The following CHRM5 variants were observed in gnomAD, a reference collection of about 807,000 sequenced individuals.
CHRM5 encodes cholinergic receptor muscarinic 5, also known as muscarinic acetylcholine receptor M5.
In CHRM5, 18 loss-of-function variants were observed where a neutral mutation model predicts 39.0. The ratio of observed to expected loss-of-function variants is 0.46; its 90% confidence interval spans 0.32 to 0.68. The LOEUF is 0.68. Ranked by LOEUF, CHRM5 falls within the 30% of genes least tolerant of loss-of-function variation. CHRM5 has a pLI of 0.04. For synonymous variants in CHRM5, 241 were observed against 246.3 expected (o/e 0.98, Z 0.20); for missense variants, 515 against 651.1 (o/e 0.79, Z 2.28).
chr15:34,055,197 A>G (rs921308675), intron 2 of CHRM5, among the ~76,000 whole-genome samples: 10 of 151,692 alleles, frequency 6.6e-5, no homozygotes, highest in African/African-American at 2.4e-4. Flanking sequence ...CGTCTCAAAA[A>G]AAAAAAAGTA....
At chr15:34,031,244 A>G (rs60880416) in intron 1 of CHRM5, among the ~76,000 whole-genome samples, 17,150 of 132,228 alleles carry the variant, frequency 0.13, 1,186 homozygotes, top group East Asian at 0.35. Flanking sequence ...GCGCGATCTC[A>G]GCTCACTGCA....
At chr15:34,010,289 C>T (rs140846776) in intron 1 of CHRM5, among the ~76,000 whole-genome samples, 2,166 of 152,120 alleles carry the variant, frequency 0.014, 36 homozygotes, top group Non-Finnish European at 0.019. Context: ...ATTTGGACAA[C>T]CTTATTCATT....
rs369325650 is a variant in CHRM5 at position 34,060,361 on chromosome 15, A to G, written c.-75-2282A>G. Among the ~76,000 whole-genome samples, 5 of 152,308 alleles carry G rather than the reference A, an allele frequency of 3.3e-5. No individual in the cohort carries two copies. In the East Asian group the frequency reaches 7.7e-4, roughly 24 times the overall value. On this transcript the variant is annotated intron_variant, in intron 2 of 2. Coordinates refer to ENST00000383263, the MANE Select transcript of CHRM5 (RefSeq NM_012125.4). ...GGGAGAATCTGGTTTCCGGTGCAAG[A>G]CAATATCATCAACTCGATTCCATAT...
chr15:34,001,860 A>C (rs1482628769), intron 1 of CHRM5, among the ~76,000 whole-genome samples: 5 of 152,226 alleles, frequency 3.3e-5, no homozygotes, highest in African/African-American at 7.2e-5. Context: ...ATAAAGAAGA[A>C]AGGTAGAACT....
intron 1 of CHRM5, among the ~76,000 whole-genome samples, chr15:33,986,879 G>C (rs1297943850): frequency 6.6e-6 from 1 of 152,100 alleles, no homozygotes; most frequent in East Asian, 1.9e-4. Flanking sequence ...GGATGGTCTC[G>C]ATCTCCTGAC....
At position 33,969,924 on chromosome 15, in the gene CHRM5, T is replaced by C. The variant is rs557039518; in HGVS notation, c.-408+774T>C. ...AAGAAATTCCCTAGAAATCACTGCA[T>C]AATGAGACTTCTAGAGTGACAATCT... On this transcript the variant is annotated intron_variant, in intron 1 of 2. Transcript: ENST00000383263. Among the ~76,000 whole-genome samples the C allele has an allele frequency of 1.4e-4, 22 of 152,138 alleles. No homozygotes were observed. The Middle Eastern group carries it at 0.01, about 71-fold the overall frequency.
At chr15:34,038,722 T>C in intron 1 of CHRM5, 1 of 1,125,186 alleles carries the variant, frequency 8.9e-7, no homozygotes, top group African/African-American at 1.7e-5. Flanking sequence ...ACTGGCGGCC[T>C]CGGCCCCACT....
chr15:33,999,166 G>A (rs988474004), intron 1 of CHRM5, among the ~76,000 whole-genome samples: 2 of 152,316 alleles, frequency 1.3e-5, no homozygotes, highest in Non-Finnish European at 2.9e-5. Flanking sequence ...TGGAAGCCTT[G>A]GCAGAGGGAG....
chr15:33,973,947 G>T (rs772656189), intron 1 of CHRM5, among the ~76,000 whole-genome samples: 1 of 152,148 alleles, frequency 6.6e-6, no homozygotes, highest in Non-Finnish European at 1.5e-5. Flanking sequence ...CTGATAATAG[G>T]CAAGTAGGTA....
intron 1 of CHRM5, among the ~76,000 whole-genome samples, chr15:33,989,283 C>T (rs911208174): frequency 3.2e-4 from 48 of 152,048 alleles, no homozygotes; most frequent in South Asian, 1.2e-3. Flanking sequence ...CAAATATGAC[C>T]CACAGTATAT....
chr15:34,021,290 CTT>C (rs911480926), intron 1 of CHRM5, among the ~76,000 whole-genome samples: 1 of 145,640 alleles, frequency 6.9e-6, no homozygotes, highest in African/African-American at 2.5e-5. Context: ...TTTTCTGTAT[CTT>C]TTTTTTTTTT....
intron 1 of CHRM5, among the ~76,000 whole-genome samples, chr15:33,982,723 T>C (rs1215418122): frequency 6.6e-6 from 1 of 151,582 alleles, no homozygotes; most frequent in African/African-American, 2.4e-5. Flanking sequence ...AATGTAGTTA[T>C]GTTGTACATC....
At chr15:34,022,394 T>C (rs1035583410) in intron 1 of CHRM5, among the ~76,000 whole-genome samples, 2 of 152,056 alleles carry the variant, frequency 1.3e-5, no homozygotes, top group African/African-American at 4.8e-5. Context: ...CTCCCAACAT[T>C]AGGGAGGAAA....
intron 2 of CHRM5, among the ~76,000 whole-genome samples, chr15:34,053,319 A>AAAAAATATATATATAT (rs775436850): frequency 1.9e-4 from 8 of 42,070 alleles, no homozygotes; most frequent in African/African-American, 6.4e-4. Flanking sequence ...AAAAAAAAAA[A>AAAAAATATATATATAT]ATATATATAT....
chr15:33,976,829 C>T (rs1332670627), intron 1 of CHRM5, among the ~76,000 whole-genome samples: 1 of 152,084 alleles, frequency 6.6e-6, no homozygotes, highest in Non-Finnish European at 1.5e-5. Context: ...TTGAAACAAA[C>T]ATCCTAGGCA....
intron 1 of CHRM5, among the ~76,000 whole-genome samples, chr15:33,998,907 G>A (rs1345980841): frequency 1.3e-5 from 2 of 152,102 alleles, no homozygotes; most frequent in Admixed American, 6.5e-5. Context: ...ACATTCTCAC[G>A]ACTTTAAATA....
At chr15:34,034,148 A>C (rs1317466925) in intron 1 of CHRM5, among the ~76,000 whole-genome samples, 1 of 152,200 alleles carries the variant, frequency 6.6e-6, no homozygotes, top group Non-Finnish European at 1.5e-5. Context: ...TCTAGTATTT[A>C]AAATCCATCC....
intron 1 of CHRM5, among the ~76,000 whole-genome samples, chr15:33,981,865 C>T (rs1896162770): frequency 6.6e-6 from 1 of 152,024 alleles, no homozygotes; most frequent in Non-Finnish European, 1.5e-5. Context: ...AACGGAGTCT[C>T]ACTCTGTTGC....
At chr15:33,988,421 G>C (rs1475366546) in intron 1 of CHRM5, among the ~76,000 whole-genome samples, 1 of 152,266 alleles carries the variant, frequency 6.6e-6, no homozygotes, top group African/African-American at 2.4e-5. Context: ...GTTTCTACAT[G>C]TATAGAATAG....
Sources: gnomAD v4.1 joint callset for allele counts (sites outside exome capture counted in the v4.1 genomes callset) on GRCh38, gnomAD v4.1.1 for gene constraint, MANE v1.5 for transcripts, NCBI Gene and HGNC (gene_info 2026-07-23, HGNC 2026-07-21) for gene names.